The following IKBKB variants were observed in gnomAD, a reference collection of about 807,000 sequenced individuals.
IKBKB encodes the protein inhibitor of nuclear factor kappa-B kinase subunit beta.
IKBKB carries 42 observed loss-of-function variants against 113.6 expected under a neutral mutation model. The observed-to-expected ratio is 0.37, with a 90% CI of 0.29 to 0.48. IKBKB has a LOEUF of 0.48. Among genes scored for constraint, IKBKB ranks in the 20% least tolerant of loss-of-function variants. The pLI is 0.99. For synonymous variants in IKBKB, 296 were observed against 361.3 expected (o/e 0.82, Z 2.05); for missense variants, 673 against 939.7 (o/e 0.72, Z 3.71).
chr8:42,285,700 A>C (rs1011139752), intron 2 of IKBKB, among the ~76,000 whole-genome samples: 2 of 152,270 alleles, frequency 1.3e-5, no homozygotes, highest in African/African-American at 4.8e-5. Context: ...CTGGATGCCC[A>C]TGCCTACTGC....
chr8:42,300,600 G>T (rs983294796), intron 5 of IKBKB, among the ~76,000 whole-genome samples: 3 of 152,186 alleles, frequency 2.0e-5, no homozygotes, highest in Admixed American at 6.5e-5. Flanking sequence ...GTGGGGCTGT[G>T]ATTCGGAGCT....
In IKBKB at chr8:42,309,128, T is replaced by G. The variant is rs561476274; in HGVS notation, c.692+103T>G. 718 of 1,315,980 alleles carry G rather than the reference T, an allele frequency of 5.5e-4. 1 individual carries two copies. The highest frequency in any genetic ancestry group is 6.6e-4 in the Non-Finnish European group (634 of 953,566). 81.5% of individuals were successfully genotyped at this position (1,315,980 alleles called of 1,614,324 possible). A position where few individuals can be genotyped will look rare whatever the true frequency, so the allele number is the denominator to read the frequency against. On this transcript the variant is annotated intron_variant, in intron 8 of 21. Transcript: ENST00000520810. ...GCCCCATCACCGGGCCTGGGAGATC[T>G]GTGTTGTTTCTCTTCCGAGAGGAAG...
chr8:42,297,349 T>C (rs922180812), intron 5 of IKBKB, among the ~76,000 whole-genome samples: 2 of 152,214 alleles, frequency 1.3e-5, no homozygotes, highest in Non-Finnish European at 1.5e-5. Context: ...TGGCCTCACA[T>C]TTCCTTTGTT....
chr8:42,310,187 C>A lies in IKBKB; in HGVS notation c.692+1162C>A, dbSNP rs150834105. 3.3e-5 allele frequency among the ~76,000 whole-genome samples: 5 copies of A among 152,328 alleles called. 1 individual carries two copies. Among genetic ancestry groups the A allele is most frequent in the African/African-American group, 1.2e-4 (5 of 41,570 alleles). On this transcript the variant is annotated intron_variant, in intron 8 of 21. Coordinates refer to ENST00000520810, the MANE Select transcript of IKBKB (RefSeq NM_001556.3). ...TCATTTAGGATTGTTCCTTGAGAGGCCACACACTAGTTTAAATGATGCTAC... is the reference window on the plus strand; with the variant it reads ...TCATTTAGGATTGTTCCTTGAGAGGACACACACTAGTTTAAATGATGCTAC...
In IKBKB at chr8:42,314,445, A is replaced by G; in HGVS notation, c.800+16A>G. 1 of 1,421,408 alleles carries G rather than the reference A, an allele frequency of 7.0e-7. No individual in the cohort carries two copies. The highest frequency in any genetic ancestry group is 1.1e-5 in the South Asian group (1 of 87,124). The allele number at this position is 1,421,408 out of a possible 1,614,324, so 88.0% of individuals were successfully genotyped here. A position where few individuals can be genotyped will look rare whatever the true frequency, so the allele number is the denominator to read the frequency against. On this transcript the variant is annotated intron_variant, in intron 9 of 21. Transcript: ENST00000520810. Reference sequence around the variant, plus strand: ...ATCTTAACAGGTAAGGCACAGCGGCATTACACGAATACATATCTTTCTTGC... The same window carrying G: ...ATCTTAACAGGTAAGGCACAGCGGCGTTACACGAATACATATCTTTCTTGC...
intron 7 of IKBKB, among the ~76,000 whole-genome samples, chr8:42,307,899 C>G (rs554936678): frequency 1.3e-5 from 2 of 152,312 alleles, no homozygotes; most frequent in Admixed American, 1.3e-4. Context: ...TCCAACCAGA[C>G]CATGCACCAC....
intron 7 of IKBKB, among the ~76,000 whole-genome samples, chr8:42,307,836 C>T (rs536891633): frequency 7.2e-5 from 11 of 152,316 alleles, no homozygotes; most frequent in East Asian, 3.9e-4. Flanking sequence ...CTACCCATCC[C>T]GGAATGTCTT....
At chr8:42,330,405 T>A (rs1305360455) in intron 21 of IKBKB, 2 of 731,416 alleles carry the variant, frequency 2.7e-6, no homozygotes, top group African/African-American at 1.9e-5. Flanking sequence ...AGGCTGGTCT[T>A]GAACTCCTGG....
rs1285987849 is a variant in IKBKB, at chr8:42,327,806, A to ATTTTTTTTTTTTTTTTTTTTT, written c.2115-1303_2115-1302insTTTTTTTTTTTTTTTTTTTTT. 1.4e-4 allele frequency among the ~76,000 whole-genome samples: 2 copies of ATTTTTTTTTTTTTTTTTTTTT among 14,676 alleles called. 1 individual carries two copies. The highest frequency in any genetic ancestry group is 2.5e-4 in the African/African-American group (2 of 7,908). 9.6% of individuals were successfully genotyped at this position (14,676 alleles called of 152,430 possible). A position where few individuals can be genotyped will look rare whatever the true frequency, so the allele number is the denominator to read the frequency against. On this transcript the variant is annotated intron_variant, in intron 20 of 21. Coordinates refer to ENST00000520810, the MANE Select transcript of IKBKB (RefSeq NM_001556.3). ...AGCCACCAGGCCTGGCTAATTTTGT[A>ATTTTTTTTTTTTTTTTTTTTT]TTTTTTTTTTTTTTTGAGACGGAGT...
chr8:42,330,027 C>G (rs1319417116), intron 21 of IKBKB: 3 of 985,434 alleles, frequency 3.0e-6, no homozygotes, highest in Non-Finnish European at 3.6e-6. Flanking sequence ...CTCTCCTCCT[C>G]CTGGCATGAT....
intron 11 of IKBKB, chr8:42,317,175 T>A: frequency 2.2e-6 from 1 of 460,974 alleles, no homozygotes; most frequent in Non-Finnish European, 4.0e-6. Flanking sequence ...CTCGAATCTC[T>A]CAAGTTGCCT....
chr8:42,326,641 TAGTC>T (rs949538125), intron 20 of IKBKB, among the ~76,000 whole-genome samples: 3 of 152,174 alleles, frequency 2.0e-5, no homozygotes, highest in African/African-American at 4.8e-5. Context: ...AGGTGTTCCT[TAGTC>T]AGTCATAAAT....
chr8:42,290,564 G>A (rs920038542), intron 4 of IKBKB, among the ~76,000 whole-genome samples: 1 of 152,174 alleles, frequency 6.6e-6, no homozygotes, highest in African/African-American at 2.4e-5. Flanking sequence ...CTGGGCGTGG[G>A]GAAGGACTGG....
chr8:42,310,422 G>A (rs750462191), intron 8 of IKBKB, among the ~76,000 whole-genome samples: 13 of 152,084 alleles, frequency 8.5e-5, no homozygotes, highest in Admixed American at 2.0e-4. Context: ...TGTTTGCTAC[G>A]TGTTCCAGTA....
At chr8:42,285,546 C>A (rs909604262) in intron 2 of IKBKB, among the ~76,000 whole-genome samples, 1 of 152,146 alleles carries the variant, frequency 6.6e-6, no homozygotes. Flanking sequence ...CAGAGTGAGA[C>A]CCTGTCTCTA....
Position 42,305,201 on chromosome 8 carries a change from T to C in IKBKB, c.403T>C (p.Tyr135His), listed in dbSNP as rs1209146573. Residue 135 changes from tyrosine to histidine, a missense_variant, in exon 6 of 22, where the codon TAC becomes CAC. Transcript: ENST00000520810. ...CTCTTCCTCAGCCTCTGCGCTTAGA[T>C]ACCTTCATGAAAACAGAATCATCCA... Reference protein sequence around the residue: ...LLSDIASALRYLHENRIIHRD... With the variant: ...LLSDIASALRHLHENRIIHRD... 2 of 1,613,806 alleles carry C rather than the reference T, an allele frequency of 1.2e-6. No homozygotes were observed. The highest frequency in any genetic ancestry group is 1.7e-6 in the Non-Finnish European group (2 of 1,179,690).
chr8:42,289,764 A>G (rs1812195667), intron 3 of IKBKB, among the ~76,000 whole-genome samples: 3 of 152,124 alleles, frequency 2.0e-5, no homozygotes, highest in African/African-American at 7.2e-5. Context: ...TAAACAGACA[A>G]AAGAAAAAAA....
chr8:42,293,539 C>A (rs1265245205), intron 5 of IKBKB, 27 bp downstream of exon 5: 1 of 1,614,088 alleles, frequency 6.2e-7, no homozygotes, highest in South Asian at 1.1e-5. Context: ...GAATTCAGGC[C>A]GTGTCCTTCA....
At chr8:42,303,374 ACTGT>A (rs1276650182) in intron 5 of IKBKB, among the ~76,000 whole-genome samples, 10 of 152,270 alleles carry the variant, frequency 6.6e-5, no homozygotes, top group African/African-American at 1.9e-4. Context: ...TTTCCTAATG[ACTGT>A]CTGTTTCTAA....
Sources: allele counts gnomAD v4.1 joint callset (sites outside exome capture counted in the v4.1 genomes callset), GRCh38; gene constraint gnomAD v4.1.1; transcripts MANE v1.5; gene names NCBI Gene and HGNC (gene_info 2026-07-23, HGNC 2026-07-21).